Variants in CUX2 observed in about 807,000 individuals in gnomAD.
CUX2 encodes homeobox protein cut-like 2.
A neutral mutation model predicts 144.8 loss-of-function variants in CUX2; 40 were observed. The observed-to-expected ratio is 0.28, with a 90% CI of 0.21 to 0.36. CUX2 has a LOEUF of 0.36. CUX2 is among the 10% of genes least tolerant of loss of function. CUX2 has a pLI of 1.00. For missense variants in CUX2, 1,615 were observed against 1,994.0 expected, an observed-to-expected ratio of 0.81 and a Z score of 3.62; for synonymous variants, 827 against 875.6, an observed-to-expected ratio of 0.94 and a Z score of 0.98.
At chr12:111,257,928 T>G (rs1435919970) in intron 3 of CUX2, among the ~76,000 whole-genome samples, 1 of 152,186 alleles carries the variant, frequency 6.6e-6, no homozygotes, top group Non-Finnish European at 1.5e-5. Context: ...CACACAGCCT[T>G]TTATTGAACA....
At position 111,342,037 on chromosome 12, in the gene CUX2, T is replaced by G. The variant is rs1888599662; in HGVS notation, c.3643T>G (p.Trp1215Gly). ...CCTCAAGACCAACACCGTCATCAAC[T>G]GGTTCCACAACTACAGGTGGGACTA... ...LNLKTNTVINWFHNYRSRMRR... is the reference protein window; with the variant it reads ...LNLKTNTVINGFHNYRSRMRR... The change falls in exon 21 of 22, where the codon TGG (tryptophan) becomes GGG (glycine). Residue 1215 changes from tryptophan (W) to glycine (G), a missense_variant. By Grantham distance (184) the Trp-to-Gly change is radical. Around this residue, in one of 12 missense-constraint regions of CUX2, gnomAD observed 131 missense variants for 223.1 expected, o/e 0.59. Coordinates refer to ENST00000261726, the MANE Select transcript of CUX2 (RefSeq NM_015267.4). 6.2e-7 allele frequency: 1 copy of G among 1,613,320 alleles called. No homozygotes were observed. The highest frequency in any genetic ancestry group is 8.5e-7 in the Non-Finnish European group (1 of 1,179,550).
intron 3 of CUX2, among the ~76,000 whole-genome samples, chr12:111,254,158 G>A (rs896153849): frequency 3.9e-5 from 6 of 151,996 alleles, no homozygotes; most frequent in African/African-American, 4.8e-5. Context: ...TGACGGATGC[G>A]TGGGTGCCCT....
intron 9 of CUX2, among the ~76,000 whole-genome samples, chr12:111,303,818 G>A (rs1462492214): frequency 6.6e-6 from 1 of 152,122 alleles, no homozygotes; most frequent in Non-Finnish European, 1.5e-5. Flanking sequence ...CAGGCCTGAA[G>A]TTAATGTGGC....
At chr12:111,168,060 G>T (rs756337224) in intron 1 of CUX2, among the ~76,000 whole-genome samples, 8 of 152,104 alleles carry the variant, frequency 5.3e-5, no homozygotes, top group Non-Finnish European at 1.0e-4. Flanking sequence ...CCTAGAGAGG[G>T]CAGTGATAAG....
intron 21 of CUX2, among the ~76,000 whole-genome samples, chr12:111,344,146 T>C (rs1354319025): frequency 1.3e-5 from 2 of 152,224 alleles, no homozygotes; most frequent in Non-Finnish European, 2.9e-5. Context: ...TAAAGCCTGC[T>C]CATTTCCTTC....
intron 18 of CUX2, among the ~76,000 whole-genome samples, chr12:111,331,690 C>T (rs748841900): frequency 6.6e-6 from 1 of 152,030 alleles, no homozygotes; most frequent in African/African-American, 2.4e-5. Context: ...GATGGAAGGA[C>T]GGAGGCTTGG....
intron 19 of CUX2, among the ~76,000 whole-genome samples, chr12:111,337,008 C>T (rs1470042206): frequency 1.3e-5 from 2 of 151,696 alleles, no homozygotes; most frequent in Non-Finnish European, 2.9e-5. Flanking sequence ...AACCCCGTCT[C>T]TACAAAAAAT....
At chr12:111,075,597 G>GT (rs1471040720) in intron 1 of CUX2, among the ~76,000 whole-genome samples, 4 of 152,260 alleles carry the variant, frequency 2.6e-5, no homozygotes, top group South Asian at 4.2e-4. Context: ...TGCTGCTGTT[G>GT]TTTTTTGGGG....
chr12:111,284,103 G>A (rs560150922), intron 4 of CUX2, among the ~76,000 whole-genome samples: 1 of 152,074 alleles, frequency 6.6e-6, no homozygotes, highest in East Asian at 1.9e-4. Context: ...CGTATCTCTT[G>A]CATCAAGTTC....
intron 18 of CUX2, among the ~76,000 whole-genome samples, chr12:111,325,061 G>A (rs1046722329): frequency 5.9e-5 from 9 of 151,410 alleles, no homozygotes; most frequent in Admixed American, 1.3e-4. Context: ...TGAGGCAGGC[G>A]GATCACAAGG....
At chr12:111,084,877 G>T (rs1566208234) in intron 1 of CUX2, among the ~76,000 whole-genome samples, 1 of 152,134 alleles carries the variant, frequency 6.6e-6, no homozygotes, top group South Asian at 2.1e-4. Context: ...GCTGCGGGGT[G>T]CAGGGGATTG....
chr12:111,175,220 T>C (rs1878772656), intron 1 of CUX2, among the ~76,000 whole-genome samples: 1 of 152,158 alleles, frequency 6.6e-6, no homozygotes, highest in Non-Finnish European at 1.5e-5. Flanking sequence ...CACTTACTTT[T>C]CTCCGAGGAA....
rs1439965319 is a variant in CUX2, at chr12:111,307,876, G to T, written c.1110-409G>T. On this transcript the variant is annotated intron_variant, in intron 12 of 21. Coordinates refer to ENST00000261726, the MANE Select transcript of CUX2 (RefSeq NM_015267.4). The surrounding 1 kb of genome is among the most constrained non-coding windows in gnomAD (Gnocchi z 4.1). ...CGCTCACCTGTAGTCCCAGCTACTT[G>T]GGAGGCTGAGGCAGGAGAATCGCTT... Among the ~76,000 whole-genome samples the T allele has an allele frequency of 1.3e-5, 2 of 152,094 alleles. No homozygotes were observed. The highest frequency in any genetic ancestry group is 2.9e-5 in the Non-Finnish European group (2 of 68,008).
rs61321370 is a variant in CUX2, at chr12:111,178,502, C to A, written c.64-35698C>A. Among the ~76,000 whole-genome samples, 3,886 of 152,240 alleles carry A rather than the reference C, an allele frequency of 0.026. 173 individuals are homozygous for A. Among genetic ancestry groups the A allele is most frequent in the African/African-American group, 0.088 (3,661 of 41,528 alleles). The stretch of plus-strand genomic sequence containing the variant: ...CCCGGTCCAGCCACTCCCCCTCCCC[C>A]ATTTAAAACACAGAACGTGACTGAG... On this transcript the variant is annotated intron_variant, in intron 1 of 21. Coordinates refer to ENST00000261726, the MANE Select transcript of CUX2 (RefSeq NM_015267.4). The surrounding 1 kb of genome is among the most constrained non-coding windows in gnomAD (Gnocchi z 5.7).
chr12:111,232,309 A>G (rs1422410557), intron 3 of CUX2, among the ~76,000 whole-genome samples: 1 of 151,964 alleles, frequency 6.6e-6, no homozygotes, highest in Non-Finnish European at 1.5e-5. Context: ...TGAGACCAGC[A>G]TGGGCAACAT....
In CUX2 at chr12:111,320,269, C is replaced by T. The variant is rs749709674; in HGVS notation, c.2260C>T (p.Pro754Ser). 3.8e-6 allele frequency: 6 copies of T among 1,593,328 alleles called. No individual in the cohort carries two copies. In the South Asian group the frequency reaches 4.4e-5, roughly 12 times the overall value. The stretch of plus-strand genomic sequence containing the variant: ...GAAGCAGGAGGAGGGCAGCGGGGGC[C>T]CCGCGCAGGCGCCGCTCCCGGTCCT... ...LVKQEEGSGG[P>S]AQAPLPVLSP... The change falls in exon 17 of 22, where the codon CCC (proline) becomes TCC (serine). Residue 754 changes from proline to serine, a missense_variant. Coordinates refer to ENST00000261726, the MANE Select transcript of CUX2 (RefSeq NM_015267.4). This position sits in a 1 kb window ranked among gnomAD's most constrained non-coding sequence, Gnocchi z 8.1.
chr12:111,147,325 G>C (rs766427943), intron 1 of CUX2, among the ~76,000 whole-genome samples: 2 of 152,172 alleles, frequency 1.3e-5, no homozygotes, highest in Non-Finnish European at 2.9e-5. Context: ...GGAGGTCCTA[G>C]CATTAATCTT....
intron 1 of CUX2, among the ~76,000 whole-genome samples, chr12:111,168,560 G>A (rs1349999992): frequency 6.6e-6 from 1 of 152,208 alleles, no homozygotes; most frequent in East Asian, 1.9e-4. Context: ...GGGACTGATT[G>A]TTTCCACGTT....
intron 1 of CUX2, among the ~76,000 whole-genome samples, chr12:111,088,957 G>A (rs2136051844): frequency 6.6e-6 from 1 of 152,314 alleles, no homozygotes; most frequent in Non-Finnish European, 1.5e-5. Context: ...GTGAGCTGCT[G>A]ACCCCTCAGG....
Sources: gnomAD v4.1 joint callset for allele counts (sites outside exome capture counted in the v4.1 genomes callset) on GRCh38, gnomAD v4.1.1 for gene constraint, gnomAD v4.1.1 regional missense constraint, Gnocchi (gnomAD v3.1) non-coding constraint, MANE v1.5 for transcripts, NCBI Gene and HGNC (gene_info 2026-07-23, HGNC 2026-07-21) for gene names.